Variants in SUGCT observed in about 807,000 individuals in gnomAD.
SUGCT encodes succinyl-CoA:glutarate CoA-transferase.
SUGCT carries 41 observed loss-of-function variants against 55.0 expected under a neutral mutation model. The observed-to-expected ratio is 0.74, with a 90% confidence interval of 0.58 to 0.97. The LOEUF is 0.97. Ranked by LOEUF, SUGCT falls within the 50% of genes least tolerant of loss-of-function variation. The probability of loss-of-function intolerance (pLI) is 0.00; values close to 1 mark genes in which losing one functional copy is unlikely to be tolerated. For synonymous variants in SUGCT, 187 were observed against 200.4 expected (o/e 0.93, Z 0.56); for missense variants, 568 against 547.8 (o/e 1.04, Z -0.37).
chr7:40,952,114 T>G, the SUGCT span, among the ~76,000 whole-genome samples: 1 of 152,332 alleles, frequency 6.6e-6, no homozygotes, highest in Admixed American at 6.5e-5. Flanking sequence ...CTCTAAGGAC[T>G]TGCTTTATGA....
chr7:40,720,824 G>A (rs1436236685), intron 12 of SUGCT, among the ~76,000 whole-genome samples: 2 of 152,142 alleles, frequency 1.3e-5, no homozygotes, highest in African/African-American at 4.8e-5. Flanking sequence ...GATGCACGGT[G>A]TTTTGACAAC....
intron 9 of SUGCT, chr7:40,388,136 C>T (rs1263899332): frequency 1.3e-5 from 2 of 152,132 alleles, no homozygotes; most frequent in Non-Finnish European, 1.5e-5. Flanking sequence ...ATAAACATTA[C>T]CACAATGTTA....
At chr7:40,798,476 TA>T (rs1354032554) in intron 13 of SUGCT, among the ~76,000 whole-genome samples, 6 of 152,166 alleles carry the variant, frequency 3.9e-5, no homozygotes, top group Admixed American at 3.9e-4. Flanking sequence ...GAGAAATTTT[TA>T]TAAGAATTTT....
chr7:40,603,862 T>G (rs1798406400), intron 12 of SUGCT, among the ~76,000 whole-genome samples: 1 of 152,234 alleles, frequency 6.6e-6, no homozygotes, highest in Non-Finnish European at 1.5e-5. Context: ...CTTCCCAACA[T>G]GCAAATCTGC....
At chr7:40,786,182 T>C (rs192737074) in intron 13 of SUGCT, among the ~76,000 whole-genome samples, 1 of 152,286 alleles carries the variant, frequency 6.6e-6, no homozygotes, top group Non-Finnish European at 1.5e-5. Flanking sequence ...AGTGAAATAT[T>C]GATGAAGGCT....
At chr7:40,788,629 G>A (rs1159628097) in intron 13 of SUGCT, among the ~76,000 whole-genome samples, 3 of 152,220 alleles carry the variant, frequency 2.0e-5, no homozygotes, top group Non-Finnish European at 4.4e-5. Flanking sequence ...ATGGATCTCT[G>A]TGTGGGTTGG....
At chr7:40,335,021 A>G (rs1334053501) in intron 9 of SUGCT, among the ~76,000 whole-genome samples, 2 of 152,080 alleles carry the variant, frequency 1.3e-5, no homozygotes, top group Non-Finnish European at 2.9e-5. Flanking sequence ...TCCTTTCCCC[A>G]TTTCTTGTTT....
chr7:40,429,514 A>G (rs1787780401), intron 9 of SUGCT, among the ~76,000 whole-genome samples: 1 of 152,212 alleles, frequency 6.6e-6, no homozygotes, highest in South Asian at 2.1e-4. Context: ...GCCAACCTTC[A>G]GTCTGTGGTC....
chr7:40,771,996 G>C (rs1337599599), intron 13 of SUGCT, among the ~76,000 whole-genome samples: 2 of 152,030 alleles, frequency 1.3e-5, no homozygotes, highest in Admixed American at 1.3e-4. Flanking sequence ...CTTAAAACTA[G>C]GGTGACCATA....
At chr7:40,732,990 A>G (rs1229250680) in intron 12 of SUGCT, among the ~76,000 whole-genome samples, 2 of 152,074 alleles carry the variant, frequency 1.3e-5, no homozygotes, top group Non-Finnish European at 1.5e-5. Context: ...CAGGAGAATC[A>G]CTTGAACCCA....
the SUGCT span, among the ~76,000 whole-genome samples, chr7:40,923,250 C>A: frequency 1.1e-4 from 17 of 152,272 alleles, no homozygotes; most frequent in Non-Finnish European, 1.6e-4. Flanking sequence ...AGTTACTTGG[C>A]AAGTTACCAT....
intron 12 of SUGCT, among the ~76,000 whole-genome samples, chr7:40,731,129 G>A (rs1420210836): frequency 1.3e-5 from 2 of 152,146 alleles, no homozygotes; most frequent in African/African-American, 4.8e-5. Flanking sequence ...GGGAGGAGCA[G>A]GTGTGAGAAA....
At chr7:40,566,795 A>G (rs1010045083) in intron 12 of SUGCT, among the ~76,000 whole-genome samples, 1 of 152,204 alleles carries the variant, frequency 6.6e-6, no homozygotes, top group African/African-American at 2.4e-5. Flanking sequence ...ATGCCATGGA[A>G]AGCCTATAGC....
intron 9 of SUGCT, among the ~76,000 whole-genome samples, chr7:40,323,135 C>T (rs10278208): frequency 0.54 from 82,620 of 151,664 alleles, 22,690 homozygotes; most frequent in South Asian, 0.64. Flanking sequence ...TTGACCCAGT[C>T]ATTTCTCCTG....
At chr7:40,340,375 A>G (rs1210800318) in intron 9 of SUGCT, among the ~76,000 whole-genome samples, 1 of 147,020 alleles carries the variant, frequency 6.8e-6, no homozygotes, top group Non-Finnish European at 1.5e-5. Context: ...GGCCAAAAAT[A>G]AAAAAAAAAC....
intron 12 of SUGCT, among the ~76,000 whole-genome samples, chr7:40,559,324 C>T (rs566478340): frequency 5.0e-4 from 76 of 152,304 alleles, no homozygotes; most frequent in Middle Eastern, 3.4e-3. Flanking sequence ...GCAATCACTG[C>T]GCTGTGGTGT....
At chr7:40,244,457 T>C (rs1789680085) in intron 7 of SUGCT, among the ~76,000 whole-genome samples, 1 of 152,208 alleles carries the variant, frequency 6.6e-6, no homozygotes, top group South Asian at 2.1e-4. Context: ...GGCCTTACTT[T>C]GGCAAGTCTT....
At chr7:40,723,858 G>T (rs908808442) in intron 12 of SUGCT, among the ~76,000 whole-genome samples, 1 of 152,110 alleles carries the variant, frequency 6.6e-6, no homozygotes, top group South Asian at 2.1e-4. Context: ...ATGGGATCTC[G>T]TTCACCTCTA....
chr7:40,872,385 A>G, the SUGCT span, among the ~76,000 whole-genome samples: 1 of 152,196 alleles, frequency 6.6e-6, no homozygotes, highest in African/African-American at 2.4e-5. Flanking sequence ...CTTGCAATGA[A>G]TATGTTTCTA....
Sources: allele counts gnomAD v4.1 joint callset (sites outside exome capture counted in the v4.1 genomes callset), GRCh38; gene constraint gnomAD v4.1.1; transcripts MANE v1.5; gene names NCBI Gene and HGNC (gene_info 2026-07-23, HGNC 2026-07-21).